IL4R: variants seen among roughly 807,000 people sequenced by gnomAD.
IL4R encodes the protein interleukin 4 receptor.
IL4R carries 17 observed loss-of-function variants against 41.5 expected under a neutral mutation model. That is an observed-to-expected ratio of 0.41 (90% CI 0.28 to 0.61). IL4R has a LOEUF of 0.61. Ranked by LOEUF, IL4R falls within the 20% of genes least tolerant of loss-of-function variation. IL4R has a pLI of 0.31. For missense variants in IL4R, 974 were observed against 1,043.1 expected, an observed-to-expected ratio of 0.93 and a Z score of 0.91; for synonymous variants, 402 against 422.9, an observed-to-expected ratio of 0.95 and a Z score of 0.61.
In IL4R at chr16:27,345,382, G is replaced by A; in HGVS notation, c.361+362G>A. 5.2e-6 allele frequency: 2 copies of A among 385,502 alleles called. No individual in the cohort carries two copies. The highest frequency in any genetic ancestry group is 3.9e-5 in the South Asian group (2 of 50,672). The allele number at this position is 385,502 out of a possible 1,614,324, so 23.9% of individuals were successfully genotyped here. On this transcript the variant is annotated intron_variant, in intron 5 of 10. Transcript: ENST00000395762. This position sits in a 1 kb window ranked among gnomAD's most constrained non-coding sequence, Gnocchi z 4.5. ...CTGTGTCCACTGGTCAGCTGCTGCG[G>A]CTTTGGATGGTCTTGACCGTGGAAG...
intron 2 of IL4R, among the ~76,000 whole-genome samples, chr16:27,339,940 C>T (rs1238448981): frequency 3.9e-5 from 6 of 152,124 alleles, no homozygotes; most frequent in African/African-American, 1.4e-4. Context: ...ACCTGTAATC[C>T]CAGCTACTCG....
At chr16:27,359,745 T>G in intron 9 of IL4R, 1 of 449,768 alleles carries the variant, frequency 2.2e-6, no homozygotes, top group Non-Finnish European at 4.5e-6. Flanking sequence ...ATATTGGAAT[T>G]TATTGAGACA....
At chr16:27,336,118 A>G (rs564469892) in intron 2 of IL4R, among the ~76,000 whole-genome samples, 1 of 152,310 alleles carries the variant, frequency 6.6e-6, no homozygotes, top group African/African-American at 2.4e-5. Flanking sequence ...TGAAAATATT[A>G]TTAAGTCAGA....
chr16:27,332,912 C>T (rs894880674), intron 2 of IL4R, among the ~76,000 whole-genome samples: 1 of 151,934 alleles, frequency 6.6e-6, no homozygotes, highest in South Asian at 2.1e-4. Flanking sequence ...CTTGTGATTT[C>T]TTCTTTGATC....
chr16:27,351,676 A>G (rs2085883667), intron 6 of IL4R, among the ~76,000 whole-genome samples: 1 of 151,932 alleles, frequency 6.6e-6, no homozygotes, highest in African/African-American at 2.4e-5. Flanking sequence ...CACCACACCC[A>G]GCTAATTTTT....
In IL4R at chr16:27,345,210, G is replaced by A. The variant is rs962166185; in HGVS notation, c.361+190G>A. The A allele has an allele frequency of 1.5e-5, 11 of 731,984 alleles. No homozygotes were observed. The African/African-American group carries it at 1.7e-4, about 12-fold the overall frequency. The allele number at this position is 731,984 out of a possible 1,614,324, so 45.3% of individuals were successfully genotyped here. A position where few individuals can be genotyped will look rare whatever the true frequency, so the allele number is the denominator to read the frequency against. ...TCCTCCCACCTTTGAAACGGAGCTG[G>A]TCGCAGTAGACCACCAAGCCCCCTT... is the stretch of plus-strand genomic sequence containing the variant. On this transcript the variant is annotated intron_variant, in intron 5 of 10. Coordinates refer to ENST00000395762, the MANE Select transcript of IL4R (RefSeq NM_000418.4). The surrounding 1 kb of genome is among the most constrained non-coding windows in gnomAD (Gnocchi z 4.5).
chr16:27,337,808 T>C (rs2085304825), intron 2 of IL4R, among the ~76,000 whole-genome samples: 1 of 151,598 alleles, frequency 6.6e-6, no homozygotes. Context: ...GGTTGTGAAC[T>C]CCTAAAGTGC....
rs2086379165 is a variant in IL4R at position 27,363,440 on chromosome 16, G to C, written c.2088G>C (p.Gln696His). 3 of 1,614,020 alleles carry C rather than the reference G, an allele frequency of 1.9e-6. No homozygotes were observed. Among genetic ancestry groups the C allele is most frequent in the Non-Finnish European group, 1.7e-6 (2 of 1,180,014 alleles). ...VEDMPKPPLP[Q>H]EQATDPLVDS... is the part of the protein sequence containing the mutation. ...ACATGCCAAAGCCCCCACTTCCCCA[G>C]GAGCAGGCCACAGACCCCCTTGTGG... The change falls in exon 11 of 11, where the codon CAG (glutamine) becomes CAC (histidine). Residue 696 changes from glutamine to histidine, a missense_variant. Transcript: ENST00000395762.
rs2085620031 is a variant in IL4R, at chr16:27,345,758, G to C, written c.362-709G>C. ...GGCCGAGCCCAGCGGATCACCGGAG[G>C]TCAGGAGTTCGAGACCAGCCTGGAC... On this transcript the variant is annotated intron_variant, in intron 5 of 10. Transcript: ENST00000395762. This position sits in a 1 kb window ranked among gnomAD's most constrained non-coding sequence, Gnocchi z 4.5. Among the ~76,000 whole-genome samples the C allele has an allele frequency of 6.6e-6, 1 of 151,116 alleles. No individual in the cohort carries two copies. Among genetic ancestry groups the C allele is most frequent in the Non-Finnish European group, 1.5e-5 (1 of 67,788 alleles).
At chr16:27,331,646 G>A (rs1200022477) in intron 2 of IL4R, among the ~76,000 whole-genome samples, 3 of 151,988 alleles carry the variant, frequency 2.0e-5, no homozygotes, top group Admixed American at 6.6e-5. Flanking sequence ...CCTTCCAAAG[G>A]GATGCCAAGT....
intron 2 of IL4R, among the ~76,000 whole-genome samples, chr16:27,335,503 G>A (rs564329686): frequency 6.6e-6 from 1 of 152,032 alleles, no homozygotes; most frequent in Non-Finnish European, 1.5e-5. Context: ...AAGAAGTTGG[G>A]ATTACAGGCA....
chr16:27,363,611 G>C lies in IL4R; in HGVS notation c.2259G>C (p.Ser753=), dbSNP rs781610324. Residue 753 remains serine, a synonymous_variant, in exon 11 of 11, where the codon TCG becomes TCC. Coordinates refer to ENST00000395762, the MANE Select transcript of IL4R (RefSeq NM_000418.4). ...GCTGCTGCTGTGGAGACAGGTCCTC[G>C]CCCCCTACAACCCCCCTGAGGGCCC... ...CCGCCCGDRS[S]PPTTPLRAPD... 1 of 1,613,572 alleles carries C rather than the reference G, an allele frequency of 6.2e-7. No homozygotes were observed. The highest frequency in any genetic ancestry group is 1.1e-5 in the South Asian group (1 of 91,056).
chr16:27,340,335 G>C, intron 3 of IL4R, 62 bp downstream of exon 3: 1 of 1,273,526 alleles, frequency 7.9e-7, no homozygotes, highest in Admixed American at 1.7e-5. Flanking sequence ...GGGTCCTGCA[G>C]TATGTCACCT....
intron 1 of IL4R, among the ~76,000 whole-genome samples, chr16:27,319,705 T>G (rs1408215222): frequency 6.6e-6 from 1 of 152,082 alleles, no homozygotes; most frequent in Non-Finnish European, 1.5e-5. Context: ...AGGAGGTGAG[T>G]GGCGGGTGAG....
At chr16:27,361,578 C>T (rs1361803761) in intron 10 of IL4R, among the ~76,000 whole-genome samples, 1 of 151,292 alleles carries the variant, frequency 6.6e-6, no homozygotes, top group African/African-American at 2.4e-5. Flanking sequence ...AAAGGGGGTC[C>T]AGGACCCTGC....
intron 2 of IL4R, among the ~76,000 whole-genome samples, chr16:27,337,163 G>A (rs143021546): frequency 6.6e-6 from 1 of 152,100 alleles, no homozygotes; most frequent in Non-Finnish European, 1.5e-5. Context: ...ATGCATGGGT[G>A]CTGGGCCCAG....
intron 10 of IL4R, among the ~76,000 whole-genome samples, chr16:27,361,610 CTT>C (rs34798776): frequency 0.11 from 12,289 of 111,604 alleles, 1,050 homozygotes; most frequent in African/African-American, 0.26. Context: ...GATCCCGCAT[CTT>C]TTTTTTTTTT....
rs925853851 is a variant in IL4R at position 27,364,017 on chromosome 16, G to C, written c.*187G>C. On this transcript the variant is annotated 3_prime_UTR_variant, in exon 11 of 11. Coordinates refer to ENST00000395762, the MANE Select transcript of IL4R (RefSeq NM_000418.4). ...GGCTGCAGAGACTGGACCCCGCCCA[G>C]CATTGGGCTGGGCTCGCCACATCCC... 1.5e-6 allele frequency: 1 copy of C among 664,758 alleles called. No homozygotes were observed. The highest frequency in any genetic ancestry group is 1.8e-5 in the African/African-American group (1 of 54,956). The allele number at this position is 664,758 out of a possible 1,614,324, so 41.2% of individuals were successfully genotyped here. A position where few individuals can be genotyped will look rare whatever the true frequency, so the allele number is the denominator to read the frequency against.
chr16:27,344,031 G>A (rs976505597), intron 4 of IL4R, among the ~76,000 whole-genome samples: 2 of 152,110 alleles, frequency 1.3e-5, no homozygotes, highest in Non-Finnish European at 2.9e-5. Context: ...GCCGGGCACT[G>A]TGGTGGCTCG....
Sources: gnomAD v4.1 joint callset for allele counts (sites outside exome capture counted in the v4.1 genomes callset) on GRCh38, gnomAD v4.1.1 for gene constraint, Gnocchi (gnomAD v3.1) non-coding constraint, MANE v1.5 for transcripts, NCBI Gene and HGNC (gene_info 2026-07-23, HGNC 2026-07-21) for gene names.